PDXDC1: variants seen among roughly 807,000 people sequenced by gnomAD.
PDXDC1 encodes pyridoxal dependent decarboxylase domain containing 1.
A neutral mutation model predicts 100.1 loss-of-function variants in PDXDC1; 42 were observed. The ratio of observed to expected loss-of-function variants is 0.42; its 90% CI spans 0.33 to 0.54. The LOEUF is 0.54. PDXDC1 is among the 20% of genes least tolerant of loss of function. The probability of loss-of-function intolerance (pLI) is 0.10; values close to 1 mark genes in which losing one functional copy is unlikely to be tolerated. For missense variants in PDXDC1, 636 were observed against 979.2 expected, an observed-to-expected ratio of 0.65 and a Z score of 4.68; for synonymous variants, 260 against 371.7, an observed-to-expected ratio of 0.70 and a Z score of 3.46.
chr16:15,039,973 C>A, downstream of PDXDC1: 1 of 1,575,444 alleles, frequency 6.3e-7, no homozygotes. Context: ...ACTCACTGGT[C>A]CTCCTGCTAA....
rs374468450 is a variant in PDXDC1, at chr16:15,044,670, G to A, written c.1399+14614G>A. 1.0e-4 allele frequency: 53 copies of A among 524,944 alleles called. No individual in the cohort carries two copies. The East Asian group carries it at 1.4e-3, about 14-fold the overall frequency. The allele number at this position is 524,944 out of a possible 1,614,324, so 32.5% of individuals were successfully genotyped here. A position where few individuals can be genotyped will look rare whatever the true frequency, so the allele number is the denominator to read the frequency against. ...TGTGATGCCGCCTCCATGCACCAGT[G>A]GGGAACTTTGCTCTGGAAGAGCACA... On this transcript the variant is annotated intron_variant, in intron 16 of 16. Transcript: ENST00000535621.
At chr16:15,015,452 C>T (rs1246822650) in intron 8 of PDXDC1, among the ~76,000 whole-genome samples, 4 of 152,126 alleles carry the variant, frequency 2.6e-5, no homozygotes, top group African/African-American at 4.8e-5. Flanking sequence ...CACGGTGGCT[C>T]ATGCTTATAA....
chr16:15,137,419 G>A (rs1021714499), intron 16 of PDXDC1: 149 of 1,444,074 alleles, frequency 1.0e-4, no homozygotes, highest in Non-Finnish European at 1.2e-4. Flanking sequence ...GGCCCTGGCC[G>A]GTGGAGAAGC....
At chr16:15,111,756 C>CAAA (rs1202549941) in intron 16 of PDXDC1, among the ~76,000 whole-genome samples, 703 of 58,018 alleles carry the variant, frequency 0.012, 58 homozygotes, top group Middle Eastern at 0.041. Context: ...GACTCCGTCT[C>CAAA]AAAAAAAAAA....
intron 12 of PDXDC1, among the ~76,000 whole-genome samples, chr16:15,021,150 G>GT (rs2042173099): frequency 6.6e-6 from 1 of 152,292 alleles, no homozygotes; most frequent in Non-Finnish European, 1.5e-5. Flanking sequence ...GCCAAGGCAG[G>GT]TGGATCACTT....
Position 15,028,896 on chromosome 16 carries a change from T to C in PDXDC1, c.1223T>C (p.Val408Ala). The stretch of plus-strand genomic sequence containing the variant: ...GTGTCAGATCCGGTGTTTAAAGCCG[T>C]CCCAGTGCCCAACATGACACCTTCA... ...LPGSDPVFKA[V>A]PVPNMTPSGV... Residue 408 changes from valine to alanine, a missense_variant, in exon 15 of 23, where the codon GTC becomes GCC. This residue lies in a region of PDXDC1 where 44 missense variants were observed against 46.9 expected (regional missense o/e 0.94). Transcript: ENST00000396410. The C allele has an allele frequency of 5.0e-6, 8 of 1,613,964 alleles. No homozygotes were observed. The highest frequency in any genetic ancestry group is 2.2e-5 in the East Asian group (1 of 44,874).
chr16:15,086,232 T>C (rs776912588), intron 16 of PDXDC1: 30 of 1,585,076 alleles, frequency 1.9e-5, no homozygotes, highest in Non-Finnish European at 2.5e-5. Flanking sequence ...CCACTACTGT[T>C]TGACTTCTAT....
intron 16 of PDXDC1, among the ~76,000 whole-genome samples, chr16:15,068,708 G>A (rs549864078): frequency 5.9e-5 from 9 of 152,324 alleles, no homozygotes; most frequent in African/African-American, 1.4e-4. Context: ...GTTTTCAGGT[G>A]CACAGTAGTC....
At chr16:15,010,449 A>T (rs1045790522) in intron 8 of PDXDC1, 1 of 154,628 alleles carries the variant, frequency 6.5e-6, no homozygotes, top group Non-Finnish European at 1.5e-5. Flanking sequence ...CAGAAGTTCA[A>T]TACCAGTCTG....
downstream of PDXDC1, among the ~76,000 whole-genome samples, chr16:15,143,890 C>T (rs1163614392): frequency 1.3e-5 from 2 of 152,230 alleles, no homozygotes; most frequent in Admixed American, 1.3e-4. Context: ...AACATCTGCA[C>T]ATTCCAGACG....
chr16:15,096,340 C>T (rs1174878595), intron 16 of PDXDC1, among the ~76,000 whole-genome samples: 2 of 152,250 alleles, frequency 1.3e-5, no homozygotes, highest in East Asian at 3.9e-4. Context: ...AACTCTTGAC[C>T]TCAAGTGATC....
intron 16 of PDXDC1, among the ~76,000 whole-genome samples, chr16:15,051,408 A>T (rs1282171362): frequency 6.6e-6 from 1 of 152,182 alleles, no homozygotes; most frequent in Non-Finnish European, 1.5e-5. Flanking sequence ...GCTGGAGTGC[A>T]GCGGCGAGAT....
At chr16:15,072,109 G>A (rs1361164200) in intron 16 of PDXDC1, among the ~76,000 whole-genome samples, 3 of 152,020 alleles carry the variant, frequency 2.0e-5, no homozygotes, top group Admixed American at 6.5e-5. Context: ...CCTAAATAGC[G>A]CTGTTCTAAA....
intron 16 of PDXDC1, among the ~76,000 whole-genome samples, chr16:15,063,600 C>T (rs1045230760): frequency 6.9e-6 from 1 of 145,072 alleles, no homozygotes; most frequent in African/African-American, 2.5e-5. Flanking sequence ...CCCAGCTACT[C>T]GGGAGGCTGA....
downstream of PDXDC1, among the ~76,000 whole-genome samples, chr16:15,039,132 A>C (rs190869369): frequency 3.9e-4 from 59 of 152,334 alleles, no homozygotes; most frequent in South Asian, 5.6e-3. Context: ...TCAAAAGAAG[A>C]AGCTAATTTG....
intron 16 of PDXDC1, among the ~76,000 whole-genome samples, chr16:15,102,638 G>C (rs955987696): frequency 1.3e-5 from 2 of 150,722 alleles, no homozygotes; most frequent in African/African-American, 2.5e-5. Context: ...TACCCAAGAC[G>C]GGGATTTTCA....
intron 16 of PDXDC1, among the ~76,000 whole-genome samples, chr16:15,103,637 G>A (rs1230992215): frequency 5.6e-3 from 788 of 139,682 alleles, no homozygotes; most frequent in South Asian, 0.01. Flanking sequence ...CCAAGTGGCT[G>A]GGACTACAGG....
At chr16:15,000,575 C>T (rs1972927094) in intron 3 of PDXDC1, among the ~76,000 whole-genome samples, 2 of 152,280 alleles carry the variant, frequency 1.3e-5, no homozygotes, top group African/African-American at 4.8e-5. Flanking sequence ...AGACGAATAG[C>T]CCTGCGTTAT....
chr16:14,999,378 A>G (rs1311176166), intron 3 of PDXDC1, among the ~76,000 whole-genome samples: 24 of 151,926 alleles, frequency 1.6e-4, no homozygotes, highest in Non-Finnish European at 2.5e-4. Flanking sequence ...AAAATTTTTT[A>G]GAAAACCAAC....
Sources: gnomAD v4.1 joint callset for allele counts (sites outside exome capture counted in the v4.1 genomes callset) on GRCh38, gnomAD v4.1.1 for gene constraint, gnomAD v4.1.1 regional missense constraint, MANE v1.5 for transcripts, NCBI Gene and HGNC (gene_info 2026-07-23, HGNC 2026-07-21) for gene names.